The following UNC80 variants were observed in gnomAD, a reference collection of about 807,000 sequenced individuals.
UNC80 encodes the protein unc-80 subunit of NALCN channel complex.
UNC80 carries 164 observed loss-of-function variants against 384.6 expected under a neutral mutation model. The observed-to-expected ratio is 0.43, with a 90% CI of 0.38 to 0.49. UNC80 has a LOEUF of 0.49. UNC80 is among the 20% of genes least tolerant of loss of function. The pLI is 0.00. For missense variants in UNC80, 3,330 were observed against 4,143.0 expected, an observed-to-expected ratio of 0.80 and a Z score of 5.39; for synonymous variants, 1,486 against 1,527.8, an observed-to-expected ratio of 0.97 and a Z score of 0.64.
At chr2:209,817,454 A>ATT in intron 10 of UNC80, among the ~76,000 whole-genome samples, 1 of 151,594 alleles carries the variant, frequency 6.6e-6, no homozygotes, top group Admixed American at 6.6e-5. Flanking sequence ...TTAAACTTGG[A>ATT]TTTTTTTTGA....
chr2:209,936,028 A>G (rs2091221605), intron 40 of UNC80, among the ~76,000 whole-genome samples: 1 of 151,968 alleles, frequency 6.6e-6, no homozygotes, highest in Admixed American at 6.6e-5. Flanking sequence ...TAGTAATCTG[A>G]TTTTCAGGAA....
At chr2:209,964,317 C>T (rs771793203) in intron 51 of UNC80, among the ~76,000 whole-genome samples, 9 of 152,112 alleles carry the variant, frequency 5.9e-5, no homozygotes, top group Non-Finnish European at 1.3e-4. Flanking sequence ...GAAGTACACA[C>T]CACATACACC....
intron 8 of UNC80, 46 bp downstream of exon 8, chr2:209,813,887 AT>A: frequency 6.5e-7 from 1 of 1,534,058 alleles, no homozygotes; most frequent in Non-Finnish European, 8.8e-7. Flanking sequence ...CAACTTTGCC[AT>A]AATGGATTCT....
intron 7 of UNC80, among the ~76,000 whole-genome samples, chr2:209,800,026 A>AT (rs528809904): frequency 1.3e-5 from 2 of 152,026 alleles, no homozygotes; most frequent in South Asian, 4.2e-4. Flanking sequence ...TTAGCCTGAA[A>AT]TTTTTTTTGT....
chr2:209,834,159 G>A lies in UNC80; in HGVS notation c.2933G>A (p.Gly978Asp), dbSNP rs960864973. 4 of 1,551,372 alleles carry A rather than the reference G, an allele frequency of 2.6e-6. No individual in the cohort carries two copies. Among genetic ancestry groups the A allele is most frequent in the Non-Finnish European group, 3.5e-6 (4 of 1,146,878 alleles). Residue 978 changes from glycine (G) to aspartate (D), a missense_variant, in exon 17 of 65, where the codon GGC becomes GAC. Gly to Asp is a moderately conservative substitution (Grantham distance 94). Coordinates refer to ENST00000673920, the MANE Select transcript of UNC80 (RefSeq NM_001371986.1). ...AATGAACAGGAATCTAAGCCTGCAGGCAGTAAAAGGTTGGAAGCTTGAACT... is the reference window on the plus strand; with the variant it reads ...AATGAACAGGAATCTAAGCCTGCAGACAGTAAAAGGTTGGAAGCTTGAACT... Reference protein sequence around the residue: ...EENEQESKPAGSKRSEAGSIV... With the variant: ...EENEQESKPADSKRSEAGSIV...
At chr2:209,805,040 G>T (rs1031641241) in intron 7 of UNC80, among the ~76,000 whole-genome samples, 1 of 152,164 alleles carries the variant, frequency 6.6e-6, no homozygotes, top group Non-Finnish European at 1.5e-5. Flanking sequence ...ATCTGGAGAA[G>T]CTGAGATTTT....
chr2:209,947,354 C>T (rs1490946187), intron 47 of UNC80, among the ~76,000 whole-genome samples: 1 of 152,192 alleles, frequency 6.6e-6, no homozygotes, highest in Non-Finnish European at 1.5e-5. Flanking sequence ...ATTCCTGCAA[C>T]ATAGAGAACA....
chr2:209,966,116 A>G (rs2092734997), intron 51 of UNC80, among the ~76,000 whole-genome samples: 1 of 152,132 alleles, frequency 6.6e-6, no homozygotes, highest in African/African-American at 2.4e-5. Context: ...CCTACATTCC[A>G]GTTCCATAGG....
chr2:209,883,134 C>A (rs969710377), intron 25 of UNC80, among the ~76,000 whole-genome samples: 3 of 152,110 alleles, frequency 2.0e-5, no homozygotes, highest in African/African-American at 4.8e-5. Context: ...AGCTATCTAA[C>A]CCTAGTTGGT....
intron 29 of UNC80, among the ~76,000 whole-genome samples, chr2:209,905,337 A>T (rs1331153247): frequency 6.6e-6 from 1 of 152,200 alleles, no homozygotes; most frequent in Admixed American, 6.5e-5. Flanking sequence ...ATGTGATTGA[A>T]AATTTTACAG....
chr2:209,794,219 T>C (rs1202112962), intron 7 of UNC80, among the ~76,000 whole-genome samples: 2 of 152,242 alleles, frequency 1.3e-5, no homozygotes, highest in Admixed American at 6.5e-5. Context: ...GATCCTTGTA[T>C]TAAAATTAGT....
In UNC80 at chr2:209,969,748, G is replaced by T. The variant is rs1172889948; in HGVS notation, c.8007-20G>T. On this transcript the variant is annotated intron_variant, in intron 52 of 64. Coordinates refer to ENST00000673920, the MANE Select transcript of UNC80 (RefSeq NM_001371986.1). Reference sequence around the variant, plus strand: ...CCAGAAGGGAGCCAAGACGCTAATGGCGCCTATATTGTATTCCAGGCGACA... The same window carrying T: ...CCAGAAGGGAGCCAAGACGCTAATGTCGCCTATATTGTATTCCAGGCGACA... 4 of 1,551,424 alleles carry T rather than the reference G, an allele frequency of 2.6e-6. No individual in the cohort carries two copies. Among genetic ancestry groups the T allele is most frequent in the Non-Finnish European group, 3.5e-6 (4 of 1,146,838 alleles).
intron 29 of UNC80, among the ~76,000 whole-genome samples, chr2:209,906,498 G>GT: frequency 1.3e-5 from 2 of 152,144 alleles, no homozygotes; most frequent in African/African-American, 4.8e-5. Context: ...CATTTTACAG[G>GT]TTTTTCAACT....
chr2:209,876,123 A>T (rs1244683753), intron 23 of UNC80, among the ~76,000 whole-genome samples: 1 of 152,128 alleles, frequency 6.6e-6, no homozygotes, highest in African/African-American at 2.4e-5. Flanking sequence ...TCGTTATGTT[A>T]TTACATCCCT....
Position 209,839,564 on chromosome 2 carries a change from T to C in UNC80, c.3250+134T>C, listed in dbSNP as rs947290022. ...GACCTAGACTGACTTCATTCATTCA[T>C]TCATTTAATTTTTCCCACAGTATTT... On this transcript the variant is annotated intron_variant, in intron 19 of 64. Coordinates refer to ENST00000673920, the MANE Select transcript of UNC80 (RefSeq NM_001371986.1). The surrounding 1 kb of genome is among the most constrained non-coding windows in gnomAD (Gnocchi z 4.1). 7.7e-6 allele frequency: 7 copies of C among 913,794 alleles called. No homozygotes were observed. The highest frequency in any genetic ancestry group is 1.7e-5 in the African/African-American group (1 of 59,706). The allele number at this position is 913,794 out of a possible 1,614,324, so 56.6% of individuals were successfully genotyped here.
intron 21 of UNC80, among the ~76,000 whole-genome samples, chr2:209,843,517 G>T (rs1417562536): frequency 6.6e-6 from 1 of 151,830 alleles, no homozygotes; most frequent in African/African-American, 2.4e-5. Flanking sequence ...ATTTTGAGGA[G>T]AATCCATTTT....
At chr2:209,954,614 G>T (rs1162606386) in intron 48 of UNC80, among the ~76,000 whole-genome samples, 1 of 152,134 alleles carries the variant, frequency 6.6e-6, no homozygotes, top group East Asian at 1.9e-4. Context: ...ATTTAAAGAT[G>T]TAATCTACAT....
rs1559185992 is a variant in UNC80 at position 209,844,483 on chromosome 2, C to T, written c.3454+2037C>T. Among the ~76,000 whole-genome samples the T allele has an allele frequency of 3.7e-4, 26 of 70,936 alleles. 2 individuals carry two copies. Among genetic ancestry groups the T allele is most frequent in the Non-Finnish European group, 5.9e-4 (21 of 35,860 alleles). 46.5% of individuals were successfully genotyped at this position (70,936 alleles called of 152,430 possible). On this transcript the variant is annotated intron_variant, in intron 21 of 64. Coordinates refer to ENST00000673920, the MANE Select transcript of UNC80 (RefSeq NM_001371986.1). ...TCTTTCTTTCTTTCTTTCTTTCCTT[C>T]CTTCCTTCCTTCCTTCCTTCCTTCC... is the stretch of plus-strand genomic sequence containing the variant.
At chr2:209,957,370 C>T (rs1012876638) in intron 48 of UNC80, among the ~76,000 whole-genome samples, 2 of 152,034 alleles carry the variant, frequency 1.3e-5, no homozygotes, top group Non-Finnish European at 2.9e-5. Flanking sequence ...TCATAAATGT[C>T]TTGTTGGAAG....
Sources: gnomAD v4.1 joint callset for allele counts (sites outside exome capture counted in the v4.1 genomes callset) on GRCh38, gnomAD v4.1.1 for gene constraint, Gnocchi (gnomAD v3.1) non-coding constraint, MANE v1.5 for transcripts, NCBI Gene and HGNC (gene_info 2026-07-23, HGNC 2026-07-21) for gene names.